The following ABCA1 variants were observed in gnomAD, a reference collection of about 807,000 sequenced individuals.
ABCA1 encodes phospholipid-transporting ATPase ABCA1.
In ABCA1, 133 loss-of-function variants were observed where a neutral mutation model predicts 262.5. That is an observed-to-expected ratio of 0.51 (90% confidence interval 0.44 to 0.59). The LOEUF (loss-of-function observed/expected upper bound fraction) is 0.59, where lower values mean the gene tolerates loss of function less well. ABCA1 is among the 20% of genes least tolerant of loss of function. The pLI is 0.00. For synonymous variants in ABCA1, 1,022 were observed against 1,043.5 expected, an observed-to-expected ratio of 0.98 and a Z score of 0.40; for missense variants, 2,452 against 2,777.5, an observed-to-expected ratio of 0.88 and a Z score of 2.63.
rs564279872 is a variant in ABCA1 at position 104,881,142 on chromosome 9, T to C, written c.421+1897A>G. Among the ~76,000 whole-genome samples the C allele has an allele frequency of 4.0e-5, 6 of 151,754 alleles. No homozygotes were observed. In the East Asian group the frequency reaches 1.2e-3, roughly 29 times the overall value. ...CCAGCCTGGTGACAGAGCGAGGCTC[T>C]GTCTTAAAAGAAAAGAAAAGAAAAG... is the stretch of plus-strand genomic sequence containing the variant. On this transcript the variant is annotated intron_variant, in intron 5 of 49. Coordinates refer to ENST00000374736, the MANE Select transcript of ABCA1 (RefSeq NM_005502.4).
intron 5 of ABCA1, among the ~76,000 whole-genome samples, chr9:104,862,651 G>GGCAGCGCCGGGCAGC (rs1473814974): frequency 1.5e-4 from 1 of 6,724 alleles, no homozygotes; most frequent in African/African-American, 6.7e-4. Context: ...GGCCGGGCCG[G>GGCAGCGCCGGGCAGC]GCCGGGCCGG....
Position 104,894,838 on chromosome 9 carries a change from A to G in ABCA1, c.67-5643T>C, listed in dbSNP as rs115009772. ...ACCTGAGCCAGAGAACTCATGAGAG[A>G]CAAAATTTAATCTTTGCCCTTTTAT... On this transcript the variant is annotated intron_variant, in intron 2 of 49. Transcript: ENST00000374736. Among the ~76,000 whole-genome samples, 382 of 152,342 alleles carry G rather than the reference A, an allele frequency of 2.5e-3. 1 individual carries two copies. Among genetic ancestry groups the G allele is most frequent in the African/African-American group, 8.9e-3 (371 of 41,580 alleles).
At chr9:104,872,488 C>T (rs1272857163) in intron 5 of ABCA1, among the ~76,000 whole-genome samples, 1 of 152,204 alleles carries the variant, frequency 6.6e-6, no homozygotes, top group Non-Finnish European at 1.5e-5. Flanking sequence ...TACAACTTTA[C>T]TCTTTAATCT....
At chr9:104,790,657 A>AAAT (rs987347875) in intron 44 of ABCA1, among the ~76,000 whole-genome samples, 1 of 152,226 alleles carries the variant, frequency 6.6e-6, no homozygotes, top group African/African-American at 2.4e-5. Flanking sequence ...TATACTCTTA[A>AAAT]AAAACAAGCA....
chr9:104,843,757 T>C (rs1391269174), intron 8 of ABCA1, among the ~76,000 whole-genome samples: 1 of 152,168 alleles, frequency 6.6e-6, no homozygotes, highest in Non-Finnish European at 1.5e-5. Flanking sequence ...TTATCAACTT[T>C]CCACACGCTG....
Position 104,782,525 on chromosome 9 carries a change from G to C in ABCA1, c.*1790C>G, listed in dbSNP as rs76321849. On this transcript the variant is annotated 3_prime_UTR_variant, in exon 50 of 50. Coordinates refer to ENST00000374736, the MANE Select transcript of ABCA1 (RefSeq NM_005502.4). ...TTTCTCTCAAGACAGTTAACAGTAA[G>C]TATTAGTGAAACAGTATTTTTACAA... 1 of 152,094 alleles carries C rather than the reference G, an allele frequency of 6.6e-6. No homozygotes were observed. Among genetic ancestry groups the C allele is most frequent in the African/African-American group, 2.4e-5 (1 of 41,410 alleles). 9.4% of individuals were successfully genotyped at this position (152,094 alleles called of 1,614,324 possible).
At position 104,784,232 on chromosome 9, in the gene ABCA1, T is replaced by C; in HGVS notation, c.*83A>G. ...ACTTCTTCCCACATCAACTTCTGGC[T>C]CTTTTCTCCACAACACTTCACATGG... On this transcript the variant is annotated 3_prime_UTR_variant, in exon 50 of 50. Coordinates refer to ENST00000374736, the MANE Select transcript of ABCA1 (RefSeq NM_005502.4). 1 of 1,572,018 alleles carries C rather than the reference T, an allele frequency of 6.4e-7. No individual in the cohort carries two copies. The highest frequency in any genetic ancestry group is 1.1e-5 in the South Asian group (1 of 89,750).
chr9:104,835,192 G>A (rs1412974405), intron 11 of ABCA1, among the ~76,000 whole-genome samples: 1 of 150,754 alleles, frequency 6.6e-6, no homozygotes, highest in Non-Finnish European at 1.5e-5. Flanking sequence ...AGGCTGTGGT[G>A]AGCCAAGATC....
chr9:104,840,287 T>G lies in ABCA1; in HGVS notation c.1046A>C (p.Asn349Thr). ...TEEDAETFYDNSTTPYCNDLM... is the reference protein window; with the variant it reads ...TEEDAETFYDTSTTPYCNDLM... ...TCTGCATGGACACTCACTTGTAGAG[T>G]TGTCATAGAAGGTTTCAGCATCTTC... is the stretch of plus-strand genomic sequence containing the variant. The change falls in exon 9 of 50, where the codon AAC (asparagine) becomes ACC (threonine). Residue 349 changes from asparagine to threonine, a missense_variant. Around this residue, in one of 4 missense-constraint regions of ABCA1, gnomAD observed 1,032 missense variants for 1,089.7 expected, o/e 0.95. Transcript: ENST00000374736. The G allele has an allele frequency of 6.2e-7, 1 of 1,613,592 alleles. No homozygotes were observed. The highest frequency in any genetic ancestry group is 8.5e-7 in the Non-Finnish European group (1 of 1,179,882).
chr9:104,846,255 C>G (rs1201418718), intron 7 of ABCA1, among the ~76,000 whole-genome samples: 1 of 152,140 alleles, frequency 6.6e-6, no homozygotes, highest in African/African-American at 2.4e-5. Flanking sequence ...ACTGTGAAGT[C>G]AGAATTGCTA....
chr9:104,925,328 A>G (rs1475798306), intron 1 of ABCA1, among the ~76,000 whole-genome samples: 1 of 147,432 alleles, frequency 6.8e-6, no homozygotes. Context: ...AGTGAGCCAT[A>G]TCGTGCCACT....
intron 8 of ABCA1, among the ~76,000 whole-genome samples, chr9:104,845,055 A>ACGTT (rs1834739068): frequency 6.6e-6 from 1 of 152,230 alleles, no homozygotes; most frequent in African/African-American, 2.4e-5. Context: ...TAGGGGTACC[A>ACGTT]CGTTATTCCT....
At chr9:104,813,942 G>C (rs1259007016) in intron 27 of ABCA1, among the ~76,000 whole-genome samples, 176 bp downstream of exon 27, 1 of 152,208 alleles carries the variant, frequency 6.6e-6, no homozygotes, top group Admixed American at 6.5e-5. Flanking sequence ...TTTCAGGTTT[G>C]ATCACATGCA....
chr9:104,810,591 G>T (rs1190189068), intron 29 of ABCA1, among the ~76,000 whole-genome samples: 1 of 152,170 alleles, frequency 6.6e-6, no homozygotes, highest in Non-Finnish European at 1.5e-5. Context: ...AGAGGAGAGA[G>T]GCTGAAAGGC....
rs1333788377 is a variant in ABCA1 at position 104,787,994 on chromosome 9, T to A, written c.6130A>T (p.Asn2044Tyr). 1 of 1,614,206 alleles carries A rather than the reference T, an allele frequency of 6.2e-7. No individual in the cohort carries two copies. The highest frequency in any genetic ancestry group is 1.7e-5 in the Admixed American group (1 of 60,026). Reference protein sequence around the residue: ...LVKYGEKYAGNYSGGNKRKLS... With the variant: ...LVKYGEKYAGYYSGGNKRKLS... ...TTGCGTTTGTTGCCTCCACTATAGT[T>A]ACCAGCATATTTTTCTCCATACTTC... Residue 2044 changes from asparagine (N) to tyrosine (Y), a missense_variant, in exon 46 of 50, where the codon AAC (asparagine) becomes TAC (tyrosine). By Grantham distance (143) the Asn-to-Tyr change is moderately radical. This residue lies in a region of ABCA1 where 752 missense variants were observed against 944.5 expected (regional missense o/e 0.80). Transcript: ENST00000374736.
intron 3 of ABCA1, among the ~76,000 whole-genome samples, chr9:104,888,539 C>T (rs35699471): frequency 0.099 from 15,050 of 152,174 alleles, 827 homozygotes; most frequent in Middle Eastern, 0.18. Flanking sequence ...GAATTCATAC[C>T]CAGATAACCT....
At chr9:104,908,303 T>C (rs1841292788) in intron 1 of ABCA1, among the ~76,000 whole-genome samples, 1 of 152,218 alleles carries the variant, frequency 6.6e-6, no homozygotes. Context: ...TGAATATTTA[T>C]AGAAGCCTTA....
intron 8 of ABCA1, among the ~76,000 whole-genome samples, chr9:104,844,923 T>C (rs1834728343): frequency 6.6e-6 from 1 of 152,218 alleles, no homozygotes; most frequent in South Asian, 2.1e-4. Flanking sequence ...GGACAGAGAT[T>C]ACTCTGATAC....
At chr9:104,890,732 G>A (rs575209439) in intron 2 of ABCA1, among the ~76,000 whole-genome samples, 1 of 152,056 alleles carries the variant, frequency 6.6e-6, no homozygotes, top group South Asian at 2.1e-4. Flanking sequence ...CCAAACTGCT[G>A]GGATTACAGG....
Sources: allele counts gnomAD v4.1 joint callset (sites outside exome capture counted in the v4.1 genomes callset), GRCh38; gene constraint gnomAD v4.1.1; regional missense constraint gnomAD v4.1.1; transcripts MANE v1.5; gene names NCBI Gene and HGNC (gene_info 2026-07-23, HGNC 2026-07-21).